Variants in SNX24 observed in about 807,000 individuals in gnomAD.
SNX24 encodes sorting nexin-24.
Under a neutral mutation model 28.7 loss-of-function variants are expected in SNX24, and 22 were observed. That is an observed-to-expected ratio of 0.77 (90% CI 0.55 to 1.10). The LOEUF is 1.10. Ranked by LOEUF, SNX24 falls within the 50% of genes least tolerant of loss-of-function variation. The pLI is 0.00. For missense variants in SNX24, 221 were observed against 201.1 expected (o/e 1.10, Z -0.60); for synonymous variants, 69 against 71.5 (o/e 0.96, Z 0.18).
intron 5 of SNX24, chr5:123,022,492 TG>T (rs1413374853): frequency 6.6e-6 from 1 of 151,628 alleles, no homozygotes; most frequent in East Asian, 1.9e-4. Context: ...TTTTTTAAGA[TG>T]GGGTCTTGCT....
At chr5:122,968,955 G>A (rs2150145367) in intron 3 of SNX24, among the ~76,000 whole-genome samples, 1 of 152,070 alleles carries the variant, frequency 6.6e-6, no homozygotes, top group East Asian at 1.9e-4. Context: ...TGCTAAATAT[G>A]TTAAATATAA....
At chr5:122,927,546 C>T (rs938122342) in intron 1 of SNX24, among the ~76,000 whole-genome samples, 3 of 151,934 alleles carry the variant, frequency 2.0e-5, no homozygotes, top group Non-Finnish European at 2.9e-5. Flanking sequence ...AGAACATTGA[C>T]AGACTGTGTT....
rs189245974 is a variant in SNX24, at chr5:122,950,990, G to A, written c.249+4831G>A. On this transcript the variant is annotated intron_variant, in intron 3 of 6. Transcript: ENST00000261369. ...CTTCTAGAAAATTTAAAGTCAGGCC[G>A]GGCTTGGTGGCTCACGCCTGTAATC... is the stretch of plus-strand genomic sequence containing the variant. Among the ~76,000 whole-genome samples the A allele has an allele frequency of 1.4e-4, 21 of 152,142 alleles. No homozygotes were observed. The East Asian group carries it at 2.1e-3, about 15-fold the overall frequency.
Position 122,928,618 on chromosome 5 carries a change from G to C in SNX24, c.61-8116G>C, listed in dbSNP as rs1028296476. On this transcript the variant is annotated intron_variant, in intron 1 of 6. Transcript: ENST00000261369. ...AGGAGCTGGAAACAGCTAGCAAAAAGGTGGGGGCCTCAGTCTCACAACTGC... is the reference window on the plus strand; with the variant it reads ...AGGAGCTGGAAACAGCTAGCAAAAACGTGGGGGCCTCAGTCTCACAACTGC... Among the ~76,000 whole-genome samples, 18 of 151,916 alleles carry C rather than the reference G, an allele frequency of 1.2e-4. 1 individual carries two copies. The highest frequency in any genetic ancestry group is 2.9e-5 in the Non-Finnish European group (2 of 67,984).
chr5:122,954,759 T>G (rs1338129289), intron 3 of SNX24, among the ~76,000 whole-genome samples: 1 of 152,092 alleles, frequency 6.6e-6, no homozygotes, highest in Non-Finnish European at 1.5e-5. Flanking sequence ...GTTTTTCCCC[T>G]ATATTTAAGG....
chr5:123,024,138 T>A lies in SNX24; in HGVS notation n.384-5100T>A. The A allele has an allele frequency of 1.7e-5, 7 of 403,980 alleles. 1 individual carries two copies. The highest frequency in any genetic ancestry group is 2.6e-5 in the Non-Finnish European group (7 of 269,876). The allele number at this position is 403,980 out of a possible 1,614,324, so 25.0% of individuals were successfully genotyped here. On this transcript the variant is annotated intron_variant and non_coding_transcript_variant, in intron 5 of 5. Coordinates refer to the SNX24 transcript ENST00000502387. ...GGTTGGTTGGTTGGTTTTTTATGAC[T>A]ACTAAGCGTTTTTTATGCACGCTAA... is the stretch of plus-strand genomic sequence containing the variant.
At chr5:122,989,581 T>C (rs1761746037) in intron 3 of SNX24, among the ~76,000 whole-genome samples, 1 of 152,188 alleles carries the variant, frequency 6.6e-6, no homozygotes, top group Non-Finnish European at 1.5e-5. Flanking sequence ...GCAGGGTATA[T>C]TATTTTCATT....
chr5:122,918,905 T>TA (rs1220661890), intron 1 of SNX24, among the ~76,000 whole-genome samples: 3 of 152,216 alleles, frequency 2.0e-5, no homozygotes, highest in African/African-American at 7.2e-5. Context: ...CATACTGTCT[T>TA]AAATATGTCT....
At chr5:122,922,244 G>A (rs1677332) in intron 1 of SNX24, among the ~76,000 whole-genome samples, 1 of 151,912 alleles carries the variant, frequency 6.6e-6, no homozygotes, top group Admixed American at 6.6e-5. Context: ...TTTTGTTTTT[G>A]TGGGGTTTTT....
chr5:122,853,422 C>T (rs1200390782), intron 1 of SNX24, among the ~76,000 whole-genome samples: 2 of 152,066 alleles, frequency 1.3e-5, no homozygotes, highest in African/African-American at 4.8e-5. Context: ...CCACCGCGCC[C>T]GGCGGTATGT....
intron 1 of SNX24, among the ~76,000 whole-genome samples, chr5:122,916,473 A>G (rs971873126): frequency 2.0e-5 from 3 of 146,894 alleles, no homozygotes; most frequent in Admixed American, 6.9e-5. Flanking sequence ...TAAAGTGACT[A>G]TTTTGGATTT....
chr5:122,880,165 A>G (rs576874138), intron 1 of SNX24, among the ~76,000 whole-genome samples: 1 of 152,296 alleles, frequency 6.6e-6, no homozygotes, highest in African/African-American at 2.4e-5. Flanking sequence ...TCAATATATT[A>G]TCCTTAGGAG....
At chr5:122,908,186 G>A (rs1757729999) in intron 1 of SNX24, among the ~76,000 whole-genome samples, 1 of 152,328 alleles carries the variant, frequency 6.6e-6, no homozygotes, top group African/African-American at 2.4e-5. Flanking sequence ...TCACCTGAAT[G>A]TGGCTGCATT....
intron 1 of SNX24, among the ~76,000 whole-genome samples, chr5:122,854,279 C>T (rs1021055309): frequency 3.9e-5 from 6 of 152,006 alleles, no homozygotes; most frequent in East Asian, 3.9e-4. Context: ...GAGGCTGAGG[C>T]GGGTGGATCA....
intron 2 of SNX24, among the ~76,000 whole-genome samples, chr5:122,938,034 C>T (rs1436822183): frequency 6.6e-6 from 1 of 152,142 alleles, no homozygotes; most frequent in African/African-American, 2.4e-5. Flanking sequence ...GAGGAGGCAG[C>T]CTGTCACATG....
chr5:122,955,646 T>TG lies in SNX24; in HGVS notation c.249+9488dup, dbSNP rs1760172532. Among the ~76,000 whole-genome samples the TG allele has an allele frequency of 2.0e-5, 3 of 152,204 alleles. No homozygotes were observed. In the South Asian group the frequency reaches 6.2e-4, roughly 32 times the overall value. On this transcript the variant is annotated intron_variant, in intron 3 of 6. Transcript: ENST00000261369. The stretch of plus-strand genomic sequence containing the variant: ...TCGTTGATACCTGGAGGGTAAGGCT[T>TG]GCTCCTCATTACCATTAAGATGTAG...
intron 3 of SNX24, among the ~76,000 whole-genome samples, chr5:122,949,829 C>T (rs947733854): frequency 2.6e-5 from 4 of 152,108 alleles, no homozygotes; most frequent in African/African-American, 9.7e-5. Context: ...AAAACCCTAG[C>T]TGAATATCCA....
intron 1 of SNX24, among the ~76,000 whole-genome samples, chr5:122,895,772 T>G (rs1757173953): frequency 6.6e-6 from 1 of 152,232 alleles, no homozygotes; most frequent in Admixed American, 6.5e-5. Flanking sequence ...ATAATAGGAC[T>G]GTTTTCAAAA....
chr5:122,856,958 T>C (rs1755222054), intron 1 of SNX24, among the ~76,000 whole-genome samples: 1 of 152,166 alleles, frequency 6.6e-6, no homozygotes, highest in Non-Finnish European at 1.5e-5. Flanking sequence ...TTTTTAATAA[T>C]AGCCATTCTG....
Sources: gnomAD v4.1 joint callset for allele counts (sites outside exome capture counted in the v4.1 genomes callset) on GRCh38, gnomAD v4.1.1 for gene constraint, MANE v1.5 for transcripts, NCBI Gene and HGNC (gene_info 2026-07-23, HGNC 2026-07-21) for gene names.